Variants in FOXP4 observed in about 807,000 individuals in gnomAD.
FOXP4 encodes the protein forkhead box protein P4.
In FOXP4, 25 loss-of-function variants were observed where a neutral mutation model predicts 82.6. That is an observed-to-expected ratio of 0.30 (90% CI 0.22 to 0.42). FOXP4 has a LOEUF of 0.42. Among genes scored for constraint, FOXP4 ranks in the 10% least tolerant of loss-of-function variants. The probability of loss-of-function intolerance (pLI) is 1.00; values close to 1 mark genes in which losing one functional copy is unlikely to be tolerated. For synonymous variants in FOXP4, 415 were observed against 388.2 expected, an observed-to-expected ratio of 1.07 and a Z score of -0.81; for missense variants, 785 against 900.9, an observed-to-expected ratio of 0.87 and a Z score of 1.65.
rs377455960 is a variant in FOXP4 at position 41,587,454 on chromosome 6, C to A, written c.814C>A (p.Leu272Ile). The A allele has an allele frequency of 8.4e-6, 13 of 1,556,596 alleles. No homozygotes were observed. Among genetic ancestry groups the A allele is most frequent in the Middle Eastern group, 1.7e-4 (1 of 5,770 alleles). ...CGCTCCCCCCAAGGTCTCACCCCCCCTCTCCCACCATACCCTGCCCAACGG... is the reference window on the plus strand; with the variant it reads ...CGCTCCCCCCAAGGTCTCACCCCCCATCTCCCACCATACCCTGCCCAACGG... The part of the protein sequence containing the change: ...FAAPPKVSPP[L>I]SHHTLPNGQP... Residue 272 changes from leucine (L) to isoleucine (I), a missense_variant, in exon 7 of 17, where the codon CTC (leucine) becomes ATC (isoleucine). Around this residue, in one of 3 missense-constraint regions of FOXP4, gnomAD observed 570 missense variants for 634.0 expected, o/e 0.90. Transcript: ENST00000307972.
At chr6:41,550,741 C>T (rs897974669) in intron 1 of FOXP4, among the ~76,000 whole-genome samples, 4 of 152,202 alleles carry the variant, frequency 2.6e-5, no homozygotes, top group African/African-American at 9.7e-5. Context: ...CTGGTGTTTC[C>T]ACCTGCACAC....
chr6:41,570,485 A>G (rs781727591), intron 2 of FOXP4: 3 of 429,916 alleles, frequency 7.0e-6, no homozygotes, highest in African/African-American at 4.1e-5. Flanking sequence ...TACCCCTCCC[A>G]GGTCCCTGAG....
At chr6:41,579,743 TC>T (rs1765690673) in intron 3 of FOXP4, among the ~76,000 whole-genome samples, 1 of 152,256 alleles carries the variant, frequency 6.6e-6, no homozygotes, top group Non-Finnish European at 1.5e-5. Context: ...AGGCCTTCTC[TC>T]TCCTTGTCTC....
Position 41,599,022 on chromosome 6 carries a change from C to A in FOXP4, c.*86C>A, listed in dbSNP as rs536476156. The stretch of plus-strand genomic sequence containing the variant: ...TCTCCCCCAACTCCACAGCCCCTCC[C>A]GAGCCTCAAGGCAAGTCCAGGACTC... On this transcript the variant is annotated 3_prime_UTR_variant, in exon 17 of 17. Transcript: ENST00000307972. 2.8e-6 allele frequency: 4 copies of A among 1,448,616 alleles called. No homozygotes were observed. Among genetic ancestry groups the A allele is most frequent in the East Asian group, 2.5e-5 (1 of 40,206 alleles). The allele number at this position is 1,448,616 out of a possible 1,614,324, so 89.7% of individuals were successfully genotyped here. A position where few individuals can be genotyped will look rare whatever the true frequency, so the allele number is the denominator to read the frequency against.
chr6:41,591,535 TG>T lies in FOXP4; in HGVS notation c.1536+215del, dbSNP rs1766512500. Among the ~76,000 whole-genome samples, 1 of 152,264 alleles carries T rather than the reference TG, an allele frequency of 6.6e-6. No homozygotes were observed. Among genetic ancestry groups the T allele is most frequent in the Non-Finnish European group, 1.5e-5 (1 of 68,044 alleles). ...TTTTAATGATCCCTTCCTTCCAGCC[TG>T]GTGCTGCCTCCTTTCTGGGAAGCAA... On this transcript the variant is annotated intron_variant, in intron 13 of 16. Coordinates refer to ENST00000307972, the MANE Select transcript of FOXP4 (RefSeq NM_001012426.2). The surrounding 1 kb of genome is among the most constrained non-coding windows in gnomAD (Gnocchi z 4.2).
In FOXP4 at chr6:41,551,420, C is replaced by G. The variant is rs552011928; in HGVS notation, c.-17+4553C>G. On this transcript the variant is annotated intron_variant, in intron 1 of 16. Transcript: ENST00000307972. The stretch of plus-strand genomic sequence containing the variant: ...TGGCACAGCCCTGCACCTTCCTTCT[C>G]TCCTGTCTGGATGGTAGCCATACAG... 1.7e-3 allele frequency among the ~76,000 whole-genome samples: 261 copies of G among 152,290 alleles called. 3 individuals carry two copies. The highest frequency in any genetic ancestry group is 3.4e-3 in the Non-Finnish European group (228 of 68,022).
At chr6:41,549,209 G>A (rs950864722) in intron 1 of FOXP4, among the ~76,000 whole-genome samples, 1 of 152,078 alleles carries the variant, frequency 6.6e-6, no homozygotes, top group Non-Finnish European at 1.5e-5. Context: ...AGGGCTGGGC[G>A]CCTGGGTGGA....
chr6:41,595,033 G>T (rs534531618), intron 14 of FOXP4, 42 bp downstream of exon 14: 2 of 1,612,000 alleles, frequency 1.2e-6, no homozygotes, highest in South Asian at 1.1e-5. Context: ...CTGCCCAGGG[G>T]GCAGGAGCCA....
chr6:41,599,028 T>C lies in FOXP4; in HGVS notation c.*92T>C. On this transcript the variant is annotated 3_prime_UTR_variant, in exon 17 of 17. Coordinates refer to ENST00000307972, the MANE Select transcript of FOXP4 (RefSeq NM_001012426.2). ...CCAACTCCACAGCCCCTCCCGAGCC[T>C]CAAGGCAAGTCCAGGACTCAGACCG... 1.4e-6 allele frequency: 2 copies of C among 1,443,360 alleles called. No individual in the cohort carries two copies. The highest frequency in any genetic ancestry group is 1.5e-5 in the South Asian group (1 of 67,170). The allele number at this position is 1,443,360 out of a possible 1,614,324, so 89.4% of individuals were successfully genotyped here.
rs1157778779 is a variant in FOXP4, at chr6:41,565,872, A to C, written c.112A>C (p.Thr38Pro). The C allele has an allele frequency of 6.2e-7, 1 of 1,613,934 alleles. No individual in the cohort carries two copies. Among genetic ancestry groups the C allele is most frequent in the South Asian group, 1.1e-5 (1 of 91,080 alleles). The change falls in exon 2 of 17, where the codon ACT becomes CCT. Residue 38 changes from threonine to proline, a missense_variant. This residue lies in a region of FOXP4 where 570 missense variants were observed against 634.0 expected (regional missense o/e 0.90). Transcript: ENST00000307972. ...CAGCAGCGGCGGGGCCACAGGGACAACTGCAAGTGGCACGGGCAGGGAAGT... is the reference window on the plus strand; with the variant it reads ...CAGCAGCGGCGGGGCCACAGGGACACCTGCAAGTGGCACGGGCAGGGAAGT... ...DGSSGGATGTTASGTGREVTT... is the reference protein window; with the variant it reads ...DGSSGGATGTPASGTGREVTT...
intron 3 of FOXP4, among the ~76,000 whole-genome samples, chr6:41,581,984 G>A (rs919224867): frequency 1.3e-5 from 2 of 152,212 alleles, no homozygotes; most frequent in Admixed American, 6.5e-5. Context: ...TGCGGGCCAC[G>A]TTCGTCTCTA....
At chr6:41,589,901 C>G (rs374211738) in intron 10 of FOXP4, 47 bp downstream of exon 10, 2 of 1,610,096 alleles carry the variant, frequency 1.2e-6, no homozygotes, top group East Asian at 4.5e-5. Context: ...TTCCACAGAC[C>G]CTGGAGCCTC....
In FOXP4 at chr6:41,558,521, G is replaced by A. The variant is rs1764404222; in HGVS notation, c.-16-7224G>A. Among the ~76,000 whole-genome samples the A allele has an allele frequency of 6.6e-6, 1 of 152,238 alleles. No homozygotes were observed. Among genetic ancestry groups the A allele is most frequent in the South Asian group, 2.1e-4 (1 of 4,824 alleles). On this transcript the variant is annotated intron_variant, in intron 1 of 16. Coordinates refer to ENST00000307972, the MANE Select transcript of FOXP4 (RefSeq NM_001012426.2). This position sits in a 1 kb window ranked among gnomAD's most constrained non-coding sequence, Gnocchi z 4.0. Reference sequence around the variant, plus strand: ...ACCACTGCAACCCTGGAAGGAAGGTGTACTGGCATTGGCCCCACATTACAG... The same window carrying A: ...ACCACTGCAACCCTGGAAGGAAGGTATACTGGCATTGGCCCCACATTACAG...
intron 1 of FOXP4, among the ~76,000 whole-genome samples, chr6:41,549,194 C>G (rs924078074): frequency 1.3e-5 from 2 of 152,128 alleles, no homozygotes; most frequent in African/African-American, 2.4e-5. Flanking sequence ...TCTCTCCTGG[C>G]ACCAAGGGCT....
At chr6:41,577,475 G>T (rs2127374579) in intron 2 of FOXP4, among the ~76,000 whole-genome samples, 1 of 152,200 alleles carries the variant, frequency 6.6e-6, no homozygotes, top group African/African-American at 2.4e-5. Context: ...CTCAAATCTT[G>T]GCTCTGATGC....
rs946264235 is a variant in FOXP4 at position 41,558,889 on chromosome 6, CAAAT to C, written c.-16-6854_-16-6851del. Among the ~76,000 whole-genome samples, 18 of 152,288 alleles carry C rather than the reference CAAAT, an allele frequency of 1.2e-4. No homozygotes were observed. Among genetic ancestry groups the C allele is most frequent in the Middle Eastern group, 3.4e-3 (1 of 294 alleles). Reference sequence around the variant, plus strand: ...ATATAGCAGGATAGCTAGAAACAAACAAATAGAGAAAGAAGGAACTAGAAGACAT... The same window carrying C: ...ATATAGCAGGATAGCTAGAAACAAACAGAGAAAGAAGGAACTAGAAGACAT... On this transcript the variant is annotated intron_variant, in intron 1 of 16. Coordinates refer to ENST00000307972, the MANE Select transcript of FOXP4 (RefSeq NM_001012426.2). The surrounding 1 kb of genome is among the most constrained non-coding windows in gnomAD (Gnocchi z 4.0).
In FOXP4 at chr6:41,546,822, G is replaced by C. The variant is rs900299905; in HGVS notation, c.-62G>C. 2 of 148,820 alleles carry C rather than the reference G, an allele frequency of 1.3e-5. No homozygotes were observed. The highest frequency in any genetic ancestry group is 4.9e-5 in the African/African-American group (2 of 40,962). 9.2% of individuals were successfully genotyped at this position (148,820 alleles called of 1,614,324 possible). A position where few individuals can be genotyped will look rare whatever the true frequency, so the allele number is the denominator to read the frequency against. ...GACCGGAGCGAGCCCCATGCCCCGC[G>C]CGGGCTGACGGGCCGGAGCCCGCAC... On this transcript the variant is annotated 5_prime_UTR_variant, in exon 1 of 17. Transcript: ENST00000307972.
intron 5 of FOXP4, among the ~76,000 whole-genome samples, chr6:41,585,961 T>G (rs1334329155): frequency 5.9e-5 from 9 of 151,866 alleles, no homozygotes; most frequent in Non-Finnish European, 1.3e-4. Flanking sequence ...CTTCCCCTTC[T>G]TCTTATGACT....
In FOXP4 at chr6:41,591,214, C is replaced by T. The variant is rs9471605; in HGVS notation, c.1435-7C>T. On this transcript the variant is annotated splice_polypyrimidine_tract_variant and splice_region_variant and intron_variant, in intron 12 of 16. Coordinates refer to ENST00000307972, the MANE Select transcript of FOXP4 (RefSeq NM_001012426.2). This position sits in a 1 kb window ranked among gnomAD's most constrained non-coding sequence, Gnocchi z 4.2. ...TGACGGTCCCTTTGCTTGTTCCTTC[C>T]CCGCAGGCCATCCTGGAAACCCCTG... 0.096 allele frequency: 154,191 copies of T among 1,602,656 alleles called. 7,888 individuals are homozygous for T. The highest frequency in any genetic ancestry group is 0.11 in the African/African-American group (8,545 of 74,856).
Sources: allele counts gnomAD v4.1 joint callset (sites outside exome capture counted in the v4.1 genomes callset), GRCh38; gene constraint gnomAD v4.1.1; regional missense constraint gnomAD v4.1.1; non-coding constraint Gnocchi (gnomAD v3.1); transcripts MANE v1.5; gene names NCBI Gene and HGNC (gene_info 2026-07-23, HGNC 2026-07-21).